Variants in FBLN7 observed in about 807,000 individuals in gnomAD.
FBLN7 encodes fibulin-7.
In FBLN7, 31 loss-of-function variants were observed where a neutral mutation model predicts 44.0. That is an observed-to-expected ratio of 0.70 (90% CI 0.53 to 0.95). The LOEUF is 0.95. Ranked by LOEUF, FBLN7 falls within the 40% of genes least tolerant of loss-of-function variation. FBLN7 has a pLI of 0.00. For missense variants in FBLN7, 573 were observed against 618.5 expected (o/e 0.93, Z 0.78); for synonymous variants, 262 against 253.4 (o/e 1.03, Z -0.32).
intron 1 of FBLN7, among the ~76,000 whole-genome samples, chr2:112,154,117 AAAGAGTT>A (rs1681298707): frequency 6.6e-6 from 1 of 152,228 alleles, no homozygotes; most frequent in Admixed American, 6.5e-5. Context: ...TCACCCCTTT[AAAGAGTT>A]TCATAACAGA....
intron 1 of FBLN7, among the ~76,000 whole-genome samples, chr2:112,155,988 C>T (rs901983948): frequency 5.9e-5 from 9 of 152,328 alleles, no homozygotes; most frequent in East Asian, 1.9e-4. Flanking sequence ...GGGGCAGCTG[C>T]GGCTCCGCGA....
the FBLN7 span, among the ~76,000 whole-genome samples, chr2:112,232,605 C>T: frequency 6.6e-6 from 1 of 152,036 alleles, no homozygotes; most frequent in Admixed American, 6.5e-5. Context: ...AAGTCAACAA[C>T]GACATATCTT....
In FBLN7 at chr2:112,182,817, C is replaced by A; in HGVS notation, c.697C>A (p.Gln233Lys). The A allele has an allele frequency of 6.2e-7, 1 of 1,610,006 alleles. No homozygotes were observed. The highest frequency in any genetic ancestry group is 1.7e-4 in the Middle Eastern group (1 of 6,044). Residue 233 changes from glutamine to lysine, a missense_variant, in exon 6 of 8, where the codon CAG becomes AAG. Gln to Lys is a moderately conservative substitution (Grantham distance 53). Transcript: ENST00000331203. ...CGTGAACGAGTGTGAGCTCTACGGG[C>A]AGGAGGGGCGCCCCCGGCTCTGCAT... ...QDVNECELYG[Q>K]EGRPRLCMHA...
chr2:112,163,702 G>A (rs573164374), intron 2 of FBLN7, among the ~76,000 whole-genome samples: 7 of 147,572 alleles, frequency 4.7e-5, no homozygotes, highest in South Asian at 2.2e-4. Context: ...CAATCAAACC[G>A]CAGCAGGAGT....
chr2:112,152,713 G>GCCTTTGA (rs1233328304), intron 1 of FBLN7: 1 of 152,162 alleles, frequency 6.6e-6, no homozygotes, highest in Non-Finnish European at 1.5e-5. Context: ...ACTGCCTTCT[G>GCCTTTGA]CCTTTGACCT....
the FBLN7 span, among the ~76,000 whole-genome samples, chr2:112,219,339 G>C: frequency 6.6e-6 from 1 of 152,106 alleles, no homozygotes; most frequent in Admixed American, 6.6e-5. Flanking sequence ...AAGGAAGGAC[G>C]GTCTTTCAAC....
chr2:112,155,314 A>G (rs999906146), intron 1 of FBLN7, among the ~76,000 whole-genome samples: 2 of 151,944 alleles, frequency 1.3e-5, no homozygotes, highest in Non-Finnish European at 2.9e-5. Flanking sequence ...GCCTATACCA[A>G]CTCAGGTGAC....
Position 112,159,692 on chromosome 2 carries a change from A to G in FBLN7, c.92A>G (p.Gln31Arg). Residue 31 changes from glutamine (Q) to arginine (R), a missense_variant, in exon 2 of 8, where the codon CAG becomes CGG. Transcript: ENST00000331203. ...TCTCCGCAGAACTGTCTCAGCAAACAGCAGCTCCTCTCGGCCATCCGCCAG... is the reference window on the plus strand; with the variant it reads ...TCTCCGCAGAACTGTCTCAGCAAACGGCAGCTCCTCTCGGCCATCCGCCAG... ...PRASQNCLSK[Q>R]QLLSAIRQLQ... 1 of 1,567,168 alleles carries G rather than the reference A, an allele frequency of 6.4e-7. No homozygotes were observed. Among genetic ancestry groups the G allele is most frequent in the Non-Finnish European group, 8.7e-7 (1 of 1,154,608 alleles).
intron 4 of FBLN7, chr2:112,177,505 C>T (rs1032752822): frequency 6.6e-6 from 1 of 152,180 alleles, no homozygotes; most frequent in African/African-American, 2.4e-5. Flanking sequence ...TTTAAAAATC[C>T]ATTCACCCTA....
chr2:112,192,132 A>T (rs1455125820), downstream of FBLN7, among the ~76,000 whole-genome samples: 4 of 152,232 alleles, frequency 2.6e-5, no homozygotes, highest in African/African-American at 9.6e-5. Context: ...ACCATTGTTT[A>T]TTCGACCAGT....
chr2:112,142,087 C>T (rs1240436106), intron 1 of FBLN7, among the ~76,000 whole-genome samples: 2 of 152,238 alleles, frequency 1.3e-5, no homozygotes, highest in Admixed American at 6.5e-5. Context: ...CTTTCACCCA[C>T]AGTCCTATGT....
chr2:112,225,734 T>C, the FBLN7 span, among the ~76,000 whole-genome samples: 1 of 152,080 alleles, frequency 6.6e-6, no homozygotes, highest in Admixed American at 6.6e-5. Flanking sequence ...GGAATATCAC[T>C]TGAACCCAGG....
At chr2:112,157,074 AAAAAT>A (rs1220039016) in intron 1 of FBLN7, among the ~76,000 whole-genome samples, 3 of 152,194 alleles carry the variant, frequency 2.0e-5, no homozygotes, top group Non-Finnish European at 4.4e-5. Context: ...ATTAAGTAGA[AAAAAT>A]AAAATTAAGA....
At chr2:112,182,361 A>G (rs1683044785) in intron 5 of FBLN7, among the ~76,000 whole-genome samples, 1 of 152,202 alleles carries the variant, frequency 6.6e-6, no homozygotes, top group Non-Finnish European at 1.5e-5. Context: ...TTCAAAGCTG[A>G]GATCTGGTCA....
At chr2:112,172,243 T>A (rs1304400938) in intron 3 of FBLN7, among the ~76,000 whole-genome samples, 1 of 152,334 alleles carries the variant, frequency 6.6e-6, no homozygotes, top group Middle Eastern at 3.4e-3. Context: ...TGAATCAGGG[T>A]CAAAATCAGT....
Position 112,182,812 on chromosome 2 carries a change from A to T in FBLN7, c.692A>T (p.Tyr231Phe). 6.2e-7 allele frequency: 1 copy of T among 1,608,858 alleles called. No individual in the cohort carries two copies. The highest frequency in any genetic ancestry group is 1.1e-5 in the South Asian group (1 of 89,776). The change falls in exon 6 of 8, where the codon TAC (tyrosine) becomes TTC (phenylalanine). Residue 231 changes from tyrosine (Y) to phenylalanine (F), a missense_variant. Transcript: ENST00000331203. ...GCAGACGTGAACGAGTGTGAGCTCT[A>T]CGGGCAGGAGGGGCGCCCCCGGCTC... ...VCQDVNECEL[Y>F]GQEGRPRLCM...
At chr2:112,157,177 C>T (rs1244443398) in intron 1 of FBLN7, among the ~76,000 whole-genome samples, 1 of 152,074 alleles carries the variant, frequency 6.6e-6, no homozygotes, top group Non-Finnish European at 1.5e-5. Flanking sequence ...CGAGACCAGC[C>T]TGGGCAACAT....
rs375523094 is a variant in FBLN7 at position 112,185,301 on chromosome 2, G to C, written c.909G>C (p.Glu303Asp). 1 of 1,613,900 alleles carries C rather than the reference G, an allele frequency of 6.2e-7. No homozygotes were observed. The highest frequency in any genetic ancestry group is 2.2e-5 in the East Asian group (1 of 44,878). ...SFQCVSPECPEGSGNVSYVKT... is the reference protein window; with the variant it reads ...SFQCVSPECPDGSGNVSYVKT... ...AGTGTGTCAGCCCTGAGTGCCCCGA[G>C]GGCAGCGGCAATGTGAGCTACGTGA... The change falls in exon 7 of 8, where the codon GAG becomes GAC. Residue 303 changes from glutamate (E) to aspartate (D), a missense_variant. By Grantham distance (45) the Glu-to-Asp change is conservative (BLOSUM62 2). Transcript: ENST00000331203.
rs1212146032 is a variant in FBLN7, at chr2:112,160,656, ACG to A, written c.235+825_235+826del. 6.2e-4 allele frequency among the ~76,000 whole-genome samples: 88 copies of A among 142,238 alleles called. No homozygotes were observed. The South Asian group carries it at 0.01, about 16-fold the overall frequency. The allele number at this position is 142,238 out of a possible 152,430, so 93.3% of individuals were successfully genotyped here. On this transcript the variant is annotated intron_variant, in intron 2 of 7. Transcript: ENST00000331203. ...TGCGTGCACACACACGCGCACGCAC[ACG>A]CGCACGCACACGCACACGCAGACGC...
Sources: allele counts gnomAD v4.1 joint callset (sites outside exome capture counted in the v4.1 genomes callset), GRCh38; gene constraint gnomAD v4.1.1; transcripts MANE v1.5; gene names NCBI Gene and HGNC (gene_info 2026-07-23, HGNC 2026-07-21).